The following HMGA2 variants were observed in gnomAD, a reference collection of about 807,000 sequenced individuals.
HMGA2 encodes the protein high mobility group protein HMGI-C.
In HMGA2, 8 loss-of-function variants were observed where a neutral mutation model predicts 19.1. The observed-to-expected ratio is 0.42, with a 90% CI of 0.25 to 0.76. The LOEUF (loss-of-function observed/expected upper bound fraction) is 0.76, where lower values mean the gene tolerates loss of function less well. HMGA2 is among the 30% of genes least tolerant of loss of function. The pLI is 0.28. For synonymous variants in HMGA2, 60 were observed against 48.8 expected (o/e 1.23, Z -0.96); for missense variants, 109 against 136.3 (o/e 0.80, Z 1.00).
chr12:65,889,237 A>T (rs1476581341), intron 3 of HMGA2, among the ~76,000 whole-genome samples: 1 of 152,142 alleles, frequency 6.6e-6, no homozygotes, highest in Non-Finnish European at 1.5e-5. Context: ...ATACAGGATC[A>T]CTGTTTGTTC....
chr12:65,918,476 T>G (rs76744290), intron 3 of HMGA2, among the ~76,000 whole-genome samples: 4,544 of 152,264 alleles, frequency 0.03, 237 homozygotes, highest in African/African-American at 0.1. Context: ...AATCTGTAAG[T>G]TTTTTTATGT....
chr12:65,877,165 A>C (rs574010575), intron 3 of HMGA2: 4 of 152,398 alleles, frequency 2.6e-5, no homozygotes, highest in African/African-American at 9.6e-5. Context: ...TGAAGAAAGA[A>C]AAAAGAAAGG....
At chr12:65,904,565 G>A (rs914993403) in intron 3 of HMGA2, among the ~76,000 whole-genome samples, 4 of 152,102 alleles carry the variant, frequency 2.6e-5, no homozygotes, top group African/African-American at 4.8e-5. Context: ...GCAAGAGAAT[G>A]GTTCTGATAT....
rs1876822665 is a variant in HMGA2 at position 65,963,709 on chromosome 12, G to A, written c.*417G>A. The A allele has an allele frequency of 5.5e-5, 20 of 362,550 alleles. No homozygotes were observed. In the South Asian group the frequency reaches 6.8e-4, roughly 12 times the overall value. The allele number at this position is 362,550 out of a possible 1,614,324, so 22.5% of individuals were successfully genotyped here. ...AAACGTGTCACACTTGTGACGTCGG[G>A]CATTCATATAGGAAGAACGCGGTGT... On this transcript the variant is annotated 3_prime_UTR_variant, in exon 5 of 5. Transcript: ENST00000403681.
intron 3 of HMGA2, among the ~76,000 whole-genome samples, chr12:65,902,524 C>A (rs975368408): frequency 9.9e-5 from 15 of 151,984 alleles, no homozygotes; most frequent in African/African-American, 3.4e-4. Context: ...AGAAAACAAC[C>A]AAAAATTATA....
At chr12:65,850,252 G>T (rs1431076945) in intron 3 of HMGA2, among the ~76,000 whole-genome samples, 1 of 152,268 alleles carries the variant, frequency 6.6e-6, no homozygotes, top group Admixed American at 6.5e-5. Flanking sequence ...GTGGAGATCA[G>T]TTGGGATCCT....
At chr12:65,930,719 T>C (rs1426639254) in intron 3 of HMGA2, among the ~76,000 whole-genome samples, 2 of 152,180 alleles carry the variant, frequency 1.3e-5, no homozygotes, top group African/African-American at 4.8e-5. Context: ...AATATATTGT[T>C]TTTGACCTTT....
chr12:65,942,413 A>G (rs1565738873), intron 3 of HMGA2, among the ~76,000 whole-genome samples: 4 of 152,036 alleles, frequency 2.6e-5, no homozygotes, highest in African/African-American at 4.8e-5. Context: ...ATATGTATAT[A>G]TGTGTGTGTG....
At chr12:65,959,100 T>C (rs1876679605) in intron 4 of HMGA2, among the ~76,000 whole-genome samples, 2 of 152,236 alleles carry the variant, frequency 1.3e-5, no homozygotes, top group African/African-American at 2.4e-5. Context: ...CCCTCATCCA[T>C]GCCTGTATAG....
intron 3 of HMGA2, among the ~76,000 whole-genome samples, chr12:65,883,007 A>G (rs1329396858): frequency 1.3e-5 from 2 of 152,232 alleles, no homozygotes; most frequent in Admixed American, 6.5e-5. Flanking sequence ...ACTAGGAGGA[A>G]GCAGGTAATG....
rs1168890372 is a variant in HMGA2, at chr12:65,825,674, T to G, written c.111+293T>G. On this transcript the variant is annotated intron_variant, in intron 1 of 4. Transcript: ENST00000403681. This position sits in a 1 kb window ranked among gnomAD's most constrained non-coding sequence, Gnocchi z 4.4. ...TTTCGCTATTGTGCACGGCCCCGAG[T>G]GGCGCGGTGTCGCCCAGTGACTGGA... is the stretch of plus-strand genomic sequence containing the variant. Among the ~76,000 whole-genome samples, 1 of 150,952 alleles carries G rather than the reference T, an allele frequency of 6.6e-6. No individual in the cohort carries two copies. Among genetic ancestry groups the G allele is most frequent in the East Asian group, 2.0e-4 (1 of 4,986 alleles).
intron 3 of HMGA2, among the ~76,000 whole-genome samples, chr12:65,879,263 GACT>G (rs1422729957): frequency 1.3e-5 from 2 of 151,882 alleles, no homozygotes; most frequent in Non-Finnish European, 2.9e-5. Flanking sequence ...AAGTAGCTGG[GACT>G]ACAGGCATGT....
chr12:65,853,857 TA>T (rs1362419138), intron 3 of HMGA2, among the ~76,000 whole-genome samples: 1 of 152,210 alleles, frequency 6.6e-6, no homozygotes, highest in African/African-American at 2.4e-5. Flanking sequence ...ACCAAAGCAT[TA>T]AGTTCCCTAA....
intron 4 of HMGA2, 90 bp downstream of exon 4, chr12:65,951,505 C>T (rs1008656625): frequency 2.7e-5 from 23 of 842,046 alleles, no homozygotes; most frequent in South Asian, 2.6e-4. Context: ...CCTTATTTCG[C>T]ATTTTCTTAC....
chr12:65,871,180 A>G (rs1170349083), intron 3 of HMGA2, among the ~76,000 whole-genome samples: 2 of 152,206 alleles, frequency 1.3e-5, no homozygotes, highest in Non-Finnish European at 2.9e-5. Context: ...ACAGTTTTAC[A>G]TGGTTGAAAC....
At chr12:65,934,415 G>A (rs1486556316) in intron 3 of HMGA2, among the ~76,000 whole-genome samples, 1 of 152,084 alleles carries the variant, frequency 6.6e-6, no homozygotes, top group African/African-American at 2.4e-5. Flanking sequence ...GGAGAATACT[G>A]GAATTCATGC....
intron 3 of HMGA2, among the ~76,000 whole-genome samples, chr12:65,904,254 G>T (rs1563833): frequency 6.6e-6 from 1 of 152,192 alleles, no homozygotes; most frequent in Non-Finnish European, 1.5e-5. Context: ...TCCTTGGCTC[G>T]TTGAGTGACC....
chr12:65,842,708 A>G (rs1871053585), intron 3 of HMGA2: 1 of 1,486,840 alleles, frequency 6.7e-7, no homozygotes, highest in South Asian at 1.3e-5. Flanking sequence ...ATGTACATAC[A>G]GAGATGTGCT....
In HMGA2 at chr12:65,825,203, G is replaced by C. The variant is rs1206918151; in HGVS notation, c.-68G>C. The C allele has an allele frequency of 4.3e-5, 59 of 1,381,916 alleles. No individual in the cohort carries two copies. The highest frequency in any genetic ancestry group is 5.3e-5 in the Non-Finnish European group (54 of 1,017,386). The allele number at this position is 1,381,916 out of a possible 1,614,324, so 85.6% of individuals were successfully genotyped here. On this transcript the variant is annotated 5_prime_UTR_variant, in exon 1 of 5. Coordinates refer to ENST00000403681, the MANE Select transcript of HMGA2 (RefSeq NM_003483.6). This position sits in a 1 kb window ranked among gnomAD's most constrained non-coding sequence, Gnocchi z 4.4. ...GCCCTATCACCTCATCTCCCGAAAGGTGCTGGGCAGCTCCGGGGCGGTCGA... is the reference window on the plus strand; with the variant it reads ...GCCCTATCACCTCATCTCCCGAAAGCTGCTGGGCAGCTCCGGGGCGGTCGA...
Sources: gnomAD v4.1 joint callset for allele counts (sites outside exome capture counted in the v4.1 genomes callset) on GRCh38, gnomAD v4.1.1 for gene constraint, Gnocchi (gnomAD v3.1) non-coding constraint, MANE v1.5 for transcripts, NCBI Gene and HGNC (gene_info 2026-07-23, HGNC 2026-07-21) for gene names.